The following DAAM2 variants were observed in gnomAD, a reference collection of about 807,000 sequenced individuals.
DAAM2 encodes disheveled-associated activator of morphogenesis 2.
In DAAM2, 39 loss-of-function variants were observed where a neutral mutation model predicts 120.7. The ratio of observed to expected loss-of-function variants is 0.32; its 90% CI spans 0.25 to 0.42. DAAM2 has a LOEUF of 0.42. Ranked by LOEUF, DAAM2 falls within the 10% of genes least tolerant of loss-of-function variation. The probability of loss-of-function intolerance (pLI) is 1.00; values close to 1 mark genes in which losing one functional copy is unlikely to be tolerated. For missense variants in DAAM2, 1,283 were observed against 1,401.7 expected (o/e 0.92, Z 1.35); for synonymous variants, 488 against 524.9 (o/e 0.93, Z 0.96).
chr6:39,831,847 TG>T (rs377523015), intron 1 of DAAM2, among the ~76,000 whole-genome samples: 101 of 34,394 alleles, frequency 2.9e-3, no homozygotes, highest in African/African-American at 0.012. Context: ...GTAGGTGCAC[TG>T]GGGAGGCAGG....
At chr6:39,804,555 T>C (rs935042066) in intron 1 of DAAM2, among the ~76,000 whole-genome samples, 2 of 151,724 alleles carry the variant, frequency 1.3e-5, no homozygotes, top group Non-Finnish European at 2.9e-5. Context: ...TGTGTGTGTA[T>C]GCATGCATGC....
At chr6:39,876,217 T>G (rs539205018) in intron 11 of DAAM2, among the ~76,000 whole-genome samples, 1 of 152,376 alleles carries the variant, frequency 6.6e-6, no homozygotes, top group South Asian at 2.1e-4. Context: ...ATTAACATAC[T>G]AATTTTTAAT....
chr6:39,883,611 G>A (rs1232355311), intron 14 of DAAM2: 2 of 232,048 alleles, frequency 8.6e-6, no homozygotes, highest in Non-Finnish European at 1.7e-5. Context: ...GAGTGGGCCT[G>A]TGTGAAGTAC....
intron 1 of DAAM2, among the ~76,000 whole-genome samples, chr6:39,801,476 T>TA (rs1257338184): frequency 2.0e-5 from 3 of 152,206 alleles, no homozygotes; most frequent in Non-Finnish European, 4.4e-5. Context: ...AATTCCTCTC[T>TA]ACCTCACCTG....
At chr6:39,893,649 G>A (rs1422998283) in intron 19 of DAAM2, among the ~76,000 whole-genome samples, 1 of 152,182 alleles carries the variant, frequency 6.6e-6, no homozygotes, top group Non-Finnish European at 1.5e-5. Flanking sequence ...CTATAGCTCT[G>A]CTCTATAATA....
chr6:39,841,371 G>A (rs1366950641), intron 1 of DAAM2, among the ~76,000 whole-genome samples: 3 of 149,490 alleles, frequency 2.0e-5, no homozygotes, highest in African/African-American at 7.4e-5. Context: ...GGGAGTCCCA[G>A]GGGGAGGGTT....
At chr6:39,812,900 G>A (rs558247939) in intron 1 of DAAM2, among the ~76,000 whole-genome samples, 1 of 152,212 alleles carries the variant, frequency 6.6e-6, no homozygotes, top group East Asian at 1.9e-4. Flanking sequence ...AAGCATTCTT[G>A]GGGGAAAGTG....
Position 39,901,077 on chromosome 6 carries a change from A to C in DAAM2, c.2812-225A>C, listed in dbSNP as rs771166092. Among the ~76,000 whole-genome samples the C allele has an allele frequency of 1.3e-5, 2 of 151,994 alleles. No homozygotes were observed. Among genetic ancestry groups the C allele is most frequent in the Non-Finnish European group, 2.9e-5 (2 of 67,992 alleles). ...CCCTTACAGGCCCAGGGGTGGCTCT[A>C]AGGTGGACTGAGTGAGCCCAACTCT... On this transcript the variant is annotated intron_variant, in intron 23 of 24. Coordinates refer to ENST00000274867, the MANE Select transcript of DAAM2 (RefSeq NM_001201427.2). The surrounding 1 kb of genome is among the most constrained non-coding windows in gnomAD (Gnocchi z 4.5).
intron 5 of DAAM2, among the ~76,000 whole-genome samples, chr6:39,865,432 G>A (rs983141577): frequency 6.6e-6 from 1 of 152,354 alleles, no homozygotes; most frequent in South Asian, 2.1e-4. Context: ...TGAGGGGGCA[G>A]GGTGAGTGCC....
At chr6:39,867,904 G>T in intron 6 of DAAM2, 61 bp downstream of exon 6, 1 of 1,385,728 alleles carries the variant, frequency 7.2e-7, no homozygotes, top group Non-Finnish European at 9.8e-7. Flanking sequence ...TCACATGTGA[G>T]TGAGAGCCTG....
chr6:39,863,135 A>G (rs1205122587), intron 3 of DAAM2, among the ~76,000 whole-genome samples: 1 of 151,744 alleles, frequency 6.6e-6, no homozygotes, highest in Non-Finnish European at 1.5e-5. Flanking sequence ...GGCAGAGACC[A>G]TGACTCTTTA....
At position 39,901,707 on chromosome 6, in the gene DAAM2, G is replaced by C; in HGVS notation, c.2983-106G>C. ...AAGAAAGTGGGGCCAACAGATACAG[G>C]CAGGCAGCATGACCATGGCCTAGGA... is the stretch of plus-strand genomic sequence containing the variant. On this transcript the variant is annotated intron_variant, in intron 24 of 24. Transcript: ENST00000274867. This position sits in a 1 kb window ranked among gnomAD's most constrained non-coding sequence, Gnocchi z 4.5. The C allele has an allele frequency of 8.9e-7, 1 of 1,126,294 alleles. No individual in the cohort carries two copies. Among genetic ancestry groups the C allele is most frequent in the Non-Finnish European group, 1.2e-6 (1 of 816,080 alleles). 69.8% of individuals were successfully genotyped at this position (1,126,294 alleles called of 1,614,324 possible).
At chr6:39,888,500 C>T (rs1582744632) in intron 16 of DAAM2, 179 bp from the exon 17 acceptor site, 1 of 495,412 alleles carries the variant, frequency 2.0e-6, no homozygotes, top group Non-Finnish European at 3.7e-6. Flanking sequence ...TGCTCATTAT[C>T]AAGTTTGTGG....
At position 39,901,521 on chromosome 6, in the gene DAAM2, G is replaced by A; in HGVS notation, c.2982+49G>A. ...GACTGAGGGGAGACGGGTGCTACTT[G>A]GGGAGAACACCCCCAAACTGGGGTG... On this transcript the variant is annotated intron_variant, in intron 24 of 24. Coordinates refer to ENST00000274867, the MANE Select transcript of DAAM2 (RefSeq NM_001201427.2). The surrounding 1 kb of genome is among the most constrained non-coding windows in gnomAD (Gnocchi z 4.5). 4.5e-6 allele frequency: 7 copies of A among 1,565,392 alleles called. No homozygotes were observed. The highest frequency in any genetic ancestry group is 6.0e-6 in the Non-Finnish European group (7 of 1,159,692).
chr6:39,798,020 G>A (rs530867896), intron 1 of DAAM2, among the ~76,000 whole-genome samples: 2 of 152,338 alleles, frequency 1.3e-5, no homozygotes, highest in South Asian at 2.1e-4. Context: ...CAATGGCAGA[G>A]TTGAGTAGAT....
intron 14 of DAAM2, chr6:39,882,385 C>G (rs1001233892): frequency 3.9e-5 from 6 of 152,166 alleles, no homozygotes; most frequent in African/African-American, 1.2e-4. Context: ...TCAGCTGTCT[C>G]ATGGGAAATT....
intron 1 of DAAM2, among the ~76,000 whole-genome samples, chr6:39,843,023 T>C (rs2149257023): frequency 6.6e-6 from 1 of 152,340 alleles, no homozygotes; most frequent in Middle Eastern, 3.4e-3. Context: ...ATTGATGATA[T>C]GTCTTATAAT....
intron 11 of DAAM2, among the ~76,000 whole-genome samples, chr6:39,876,889 G>C (rs1020207041): frequency 6.6e-6 from 1 of 152,198 alleles, no homozygotes; most frequent in Non-Finnish European, 1.5e-5. Flanking sequence ...GAAGGAAAGA[G>C]GGAAAAGGTC....
intron 19 of DAAM2, among the ~76,000 whole-genome samples, chr6:39,893,641 A>G (rs1391908363): frequency 6.6e-6 from 1 of 152,250 alleles, no homozygotes; most frequent in Non-Finnish European, 1.5e-5. Flanking sequence ...CTACTCTTCT[A>G]TAGCTCTGCT....
Sources: gnomAD v4.1 joint callset for allele counts (sites outside exome capture counted in the v4.1 genomes callset) on GRCh38, gnomAD v4.1.1 for gene constraint, Gnocchi (gnomAD v3.1) non-coding constraint, MANE v1.5 for transcripts, NCBI Gene and HGNC (gene_info 2026-07-23, HGNC 2026-07-21) for gene names.